Variants in ZC3H13 observed in about 807,000 individuals in gnomAD.
ZC3H13 encodes zinc finger CCCH domain-containing protein 13.
ZC3H13 carries 64 observed loss-of-function variants against 204.1 expected under a neutral mutation model. The observed-to-expected ratio is 0.31, with a 90% CI of 0.26 to 0.39. ZC3H13 has a LOEUF of 0.39. ZC3H13 is among the 10% of genes least tolerant of loss of function. The pLI, the probability that ZC3H13 is intolerant of heterozygous loss-of-function variation, is 1.00. For synonymous variants in ZC3H13, 667 were observed against 693.7 expected, an observed-to-expected ratio of 0.96 and a Z score of 0.60; for missense variants, 1,833 against 2,082.7, an observed-to-expected ratio of 0.88 and a Z score of 2.33.
intron 4 of ZC3H13, among the ~76,000 whole-genome samples, chr13:46,038,668 G>A (rs1052866496): frequency 1.3e-5 from 2 of 152,188 alleles, no homozygotes; most frequent in Non-Finnish European, 2.9e-5. Context: ...CAACAGTCAT[G>A]TGTTGCAGCA....
chr13:45,981,901 G>A (rs1476680898), intron 10 of ZC3H13, among the ~76,000 whole-genome samples: 1 of 151,010 alleles, frequency 6.6e-6, no homozygotes, highest in Non-Finnish European at 1.5e-5. Context: ...ATAGCATTAG[G>A]AGATATACCT....
At chr13:46,039,307 C>A (rs1197652130) in intron 4 of ZC3H13, among the ~76,000 whole-genome samples, 1 of 152,116 alleles carries the variant, frequency 6.6e-6, no homozygotes, top group African/African-American at 2.4e-5. Context: ...AGTTAACTGT[C>A]AACAACCTAA....
intron 11 of ZC3H13, among the ~76,000 whole-genome samples, chr13:45,976,629 C>T (rs977406861): frequency 2.0e-5 from 3 of 152,102 alleles, no homozygotes; most frequent in African/African-American, 4.8e-5. Flanking sequence ...ATCACATAAA[C>T]ACAGAGTAAA....
At chr13:46,032,058 T>G (rs905703750) in intron 4 of ZC3H13, among the ~76,000 whole-genome samples, 2 of 152,134 alleles carry the variant, frequency 1.3e-5, no homozygotes, top group African/African-American at 2.4e-5. Context: ...ATAAACAGAA[T>G]AGCCGAACTT....
intron 12 of ZC3H13, 106 bp downstream of exon 12, chr13:45,975,177 A>G: frequency 1.4e-6 from 2 of 1,464,916 alleles, no homozygotes; most frequent in Non-Finnish European, 1.8e-6. Context: ...ATATACAGAG[A>G]AAAAAAATTA....
Position 45,985,645 on chromosome 13 carries a change from G to T in ZC3H13, c.1372C>A (p.Arg458=). Reference sequence around the variant, plus strand: ...TCCCTAGTATCTCTGGCATCTCTCCGATCCCGACCATCTCGAGGTTCTCTG... The same window carrying T: ...TCCCTAGTATCTCTGGCATCTCTCCTATCCCGACCATCTCGAGGTTCTCTG... ...DDREPRDGRD[R]RDARDTRDRR... is the part of the protein sequence containing the mutation. The change falls in exon 10 of 19, where the codon CGG becomes AGG. Residue 458 remains arginine, a synonymous_variant. Transcript: ENST00000679008. 1 of 1,613,558 alleles carries T rather than the reference G, an allele frequency of 6.2e-7. No individual in the cohort carries two copies. The highest frequency in any genetic ancestry group is 1.1e-5 in the South Asian group (1 of 90,992).
chr13:45,954,672 T>C lies in ZC3H13; in HGVS notation c.*2455A>G, dbSNP rs984149090. The C allele has an allele frequency of 1.3e-5, 2 of 152,178 alleles. No individual in the cohort carries two copies. Among genetic ancestry groups the C allele is most frequent in the South Asian group, 2.1e-4 (1 of 4,832 alleles). 9.4% of individuals were successfully genotyped at this position (152,178 alleles called of 1,614,324 possible). ...TGAGGTGTAAAAGCATCACCAACAA[T>C]AGTATGTACCTTAATCTTTACACAA... On this transcript the variant is annotated 3_prime_UTR_variant, in exon 19 of 19. Transcript: ENST00000679008.
intron 5 of ZC3H13, among the ~76,000 whole-genome samples, chr13:46,015,327 T>TA (rs1389062565): frequency 6.6e-6 from 1 of 152,130 alleles, no homozygotes; most frequent in African/African-American, 2.4e-5. Flanking sequence ...ACTCATTTTT[T>TA]AACTAGGCCG....
chr13:46,036,673 T>C (rs1384275035), intron 4 of ZC3H13, among the ~76,000 whole-genome samples: 6 of 152,200 alleles, frequency 3.9e-5, no homozygotes, highest in African/African-American at 1.4e-4. Context: ...CCAGTTGAAA[T>C]AATTAACATT....
At chr13:45,976,533 G>T (rs369390364) in intron 11 of ZC3H13, among the ~76,000 whole-genome samples, 8 of 152,126 alleles carry the variant, frequency 5.3e-5, no homozygotes, top group African/African-American at 1.9e-4. Context: ...TTACATAAAT[G>T]ATTACTCAGA....
intron 11 of ZC3H13, chr13:45,976,147 C>T (rs1035278293): frequency 9.1e-6 from 9 of 984,160 alleles, no homozygotes; most frequent in Non-Finnish European, 1.1e-5. Context: ...CAGCCCACTG[C>T]TCCAACCCCA....
At chr13:45,967,380 T>C in intron 15 of ZC3H13, 124 bp downstream of exon 15, 12 of 1,102,372 alleles carry the variant, frequency 1.1e-5, no homozygotes, top group Non-Finnish European at 1.5e-5. Flanking sequence ...ACTTCCTCTA[T>C]AGAAGAATGG....
chr13:45,965,615 ATTAG>A (rs1476407787), intron 15 of ZC3H13, among the ~76,000 whole-genome samples, 183 bp from the exon 16 acceptor site: 3 of 152,214 alleles, frequency 2.0e-5, no homozygotes, highest in Non-Finnish European at 4.4e-5. Context: ...ATAAAATTTA[ATTAG>A]TTAAATTAAA....
At chr13:46,037,243 A>T (rs778356657) in intron 4 of ZC3H13, among the ~76,000 whole-genome samples, 8 of 152,184 alleles carry the variant, frequency 5.3e-5, no homozygotes, top group Non-Finnish European at 1.2e-4. Context: ...AAAAACAAAG[A>T]TCAATAAAGA....
At chr13:46,013,153 C>T (rs764414032) in intron 5 of ZC3H13, among the ~76,000 whole-genome samples, 1 of 152,182 alleles carries the variant, frequency 6.6e-6, no homozygotes, top group Non-Finnish European at 1.5e-5. Flanking sequence ...CAGTGGCTCA[C>T]GCCTGTAAGC....
Position 45,985,399 on chromosome 13 carries a change from G to A in ZC3H13, c.1618C>T (p.Arg540Cys), listed in dbSNP as rs775487349. Reference protein sequence around the residue: ...GRNHLREESSRTEIRNESRNE... With the variant: ...GRNHLREESSCTEIRNESRNE... ...CTGGACTCATTCCTTATTTCCGTAC[G>A]AGAACTTTCTTCTCTCAAATGGTTT... Residue 540 changes from arginine (R) to cysteine (C), a missense_variant, in exon 10 of 19, where the codon CGT (arginine) becomes TGT (cysteine). Arg to Cys is a radical substitution (Grantham distance 180). Around this residue, in one of 5 missense-constraint regions of ZC3H13, gnomAD observed 1,574 missense variants for 1,757.2 expected, o/e 0.90. Coordinates refer to ENST00000679008, the MANE Select transcript of ZC3H13 (RefSeq NM_001330564.2). The A allele has an allele frequency of 1.4e-5, 22 of 1,613,936 alleles. No individual in the cohort carries two copies. The highest frequency in any genetic ancestry group is 1.2e-4 in the Admixed American group (7 of 59,990).
intron 4 of ZC3H13, among the ~76,000 whole-genome samples, chr13:46,032,219 C>T (rs1028450557): frequency 2.0e-5 from 3 of 152,166 alleles, no homozygotes; most frequent in Non-Finnish European, 4.4e-5. Flanking sequence ...TTACCATTAA[C>T]TTTTGCTGTG....
intron 4 of ZC3H13, among the ~76,000 whole-genome samples, chr13:46,033,151 G>A (rs1019423656): frequency 3.9e-5 from 6 of 151,920 alleles, no homozygotes; most frequent in Non-Finnish European, 7.4e-5. Flanking sequence ...AACGTTTTAT[G>A]TAATTAGAAA....
chr13:45,979,889 GTC>G lies in ZC3H13; in HGVS notation c.1834_1835del (p.Asp612GlnfsTer11). 6.2e-7 allele frequency: 1 copy of G among 1,610,572 alleles called. No individual in the cohort carries two copies. Among genetic ancestry groups the G allele is most frequent in the Non-Finnish European group, 8.5e-7 (1 of 1,178,308 alleles). On this transcript the variant is annotated frameshift_variant, in exon 11 of 19. Transcript: ENST00000679008. LOFTEE classifies it high-confidence loss of function. ...AAGAATCCCTTGCTTGATCTCTGTT[GTC>G]TCTTTCAGGATATCTATCTCTTTCA... ...YPERDRYPER[D>X]NRDQARDSSF...
Sources: gnomAD v4.1 joint callset for allele counts (sites outside exome capture counted in the v4.1 genomes callset) on GRCh38, gnomAD v4.1.1 for gene constraint, gnomAD v4.1.1 regional missense constraint, MANE v1.5 for transcripts, NCBI Gene and HGNC (gene_info 2026-07-23, HGNC 2026-07-21) for gene names.